Variants in NCEH1 observed in about 807,000 individuals in gnomAD.
NCEH1 encodes the protein 2-acetyl MAGE hydrolase.
Under a neutral mutation model 25.4 loss-of-function variants are expected in NCEH1, and 9 were observed. That is an observed-to-expected ratio of 0.35 (90% confidence interval 0.21 to 0.62). The LOEUF (loss-of-function observed/expected upper bound fraction) is 0.62. Among genes scored for constraint, NCEH1 ranks in the 20% least tolerant of loss-of-function variants. The pLI is 0.72. For synonymous variants in NCEH1, 200 were observed against 199.8 expected, an observed-to-expected ratio of 1.00 and a Z score of -0.01; for missense variants, 412 against 501.1, an observed-to-expected ratio of 0.82 and a Z score of 1.70.
chr3:172,682,021 T>C (rs1008023497), intron 1 of NCEH1, among the ~76,000 whole-genome samples: 20 of 152,162 alleles, frequency 1.3e-4, no homozygotes, highest in Admixed American at 1.3e-3. Flanking sequence ...AGCCCTGAAA[T>C]TTCCTAGGGC....
At chr3:172,698,285 C>T (rs547164123) in intron 1 of NCEH1, among the ~76,000 whole-genome samples, 11 of 152,160 alleles carry the variant, frequency 7.2e-5, no homozygotes, top group South Asian at 2.1e-4. Context: ...CCTCTAAAAG[C>T]AGAATTGACT....
At chr3:172,673,132 C>T (rs1320207252) in intron 1 of NCEH1, among the ~76,000 whole-genome samples, 4 of 152,196 alleles carry the variant, frequency 2.6e-5, no homozygotes, top group Admixed American at 1.3e-4. Flanking sequence ...CTTCCTATAG[C>T]GCAACTATAA....
At chr3:172,676,828 C>G (rs927922844) in intron 1 of NCEH1, among the ~76,000 whole-genome samples, 4 of 152,156 alleles carry the variant, frequency 2.6e-5, no homozygotes, top group Non-Finnish European at 5.9e-5. Context: ...GCCTTCCATA[C>G]ACACAGGCAC....
chr3:172,705,622 C>A (rs1329105241), intron 1 of NCEH1, among the ~76,000 whole-genome samples: 2 of 152,120 alleles, frequency 1.3e-5, no homozygotes, highest in Admixed American at 6.5e-5. Flanking sequence ...CCTGCCAATG[C>A]CCCTTTTCTA....
chr3:172,658,317 C>T (rs1717799192), intron 1 of NCEH1, among the ~76,000 whole-genome samples: 1 of 152,182 alleles, frequency 6.6e-6, no homozygotes, highest in African/African-American at 2.4e-5. Context: ...AAATGGGCAC[C>T]TGCTCAGGTT....
intron 3 of NCEH1, among the ~76,000 whole-genome samples, chr3:172,643,903 T>C (rs1288751378): frequency 6.6e-6 from 1 of 152,224 alleles, no homozygotes; most frequent in Non-Finnish European, 1.5e-5. Flanking sequence ...TCCCCTGTGC[T>C]TTCCTCTGGC....
In NCEH1 at chr3:172,634,050, C is replaced by G; in HGVS notation, c.652G>C (p.Ala218Pro). The change falls in exon 5 of 5, where the codon GCT (alanine) becomes CCT (proline). Residue 218 changes from alanine (A) to proline (P), a missense_variant. By Grantham distance (27) the Ala-to-Pro change is conservative (BLOSUM62 -1). Around this residue, in one of 3 missense-constraint regions of NCEH1, gnomAD observed 210 missense variants for 258.2 expected, o/e 0.81. Coordinates refer to ENST00000475381, the MANE Select transcript of NCEH1 (RefSeq NM_020792.6). ...GCTTGAAGAACTGGATAAATTAAAGCTTGTAGTTTGAGCTTATTTTTTAGG... is the reference window on the plus strand; with the variant it reads ...GCTTGAAGAACTGGATAAATTAAAGGTTGTAGTTTGAGCTTATTTTTTAGG... The part of the protein sequence containing the change: ...ASLKNKLKLQ[A>P]LIYPVLQALD... The G allele has an allele frequency of 6.2e-7, 1 of 1,613,944 alleles. No homozygotes were observed. The highest frequency in any genetic ancestry group is 1.7e-5 in the Admixed American group (1 of 59,998).
chr3:172,636,291 T>C (rs1716595037), intron 3 of NCEH1: 1 of 406,858 alleles, frequency 2.5e-6, no homozygotes, highest in Non-Finnish European at 4.4e-6. Context: ...AATGTGATGA[T>C]TTTGTATTAG....
In NCEH1 at chr3:172,632,505, T is replaced by C. The variant is rs1286772189; in HGVS notation, c.*970A>G. On this transcript the variant is annotated 3_prime_UTR_variant, in exon 5 of 5. Transcript: ENST00000475381. ...AGCCATATAAGTGAAAAAATTGAGT[T>C]TTCAATAATAGACTAGACCTTCTAA... The C allele has an allele frequency of 6.6e-6, 1 of 152,564 alleles. No homozygotes were observed. Among genetic ancestry groups the C allele is most frequent in the Non-Finnish European group, 1.5e-5 (1 of 68,020 alleles). The allele number at this position is 152,564 out of a possible 1,614,324, so 9.5% of individuals were successfully genotyped here. A position where few individuals can be genotyped will look rare whatever the true frequency, so the allele number is the denominator to read the frequency against.
At chr3:172,675,922 G>T (rs1711969194) in intron 1 of NCEH1, among the ~76,000 whole-genome samples, 1 of 152,126 alleles carries the variant, frequency 6.6e-6, no homozygotes, top group African/African-American at 2.4e-5. Context: ...AAACCTTCTT[G>T]TAAAACGTAT....
intron 1 of NCEH1, among the ~76,000 whole-genome samples, chr3:172,690,200 G>A (rs1307952843): frequency 1.3e-5 from 2 of 152,134 alleles, no homozygotes; most frequent in East Asian, 3.9e-4. Flanking sequence ...ACCGCACCCA[G>A]CCAAGCATTT....
intron 1 of NCEH1, among the ~76,000 whole-genome samples, chr3:172,696,652 A>T (rs1334439319): frequency 6.6e-6 from 1 of 152,224 alleles, no homozygotes; most frequent in African/African-American, 2.4e-5. Context: ...CCGGGATTTG[A>T]ACACAAGTCT....
chr3:172,683,178 C>T lies in NCEH1; in HGVS notation c.138+27669G>A, dbSNP rs1469241468. On this transcript the variant is annotated intron_variant, in intron 1 of 4. Transcript: ENST00000475381. ...CAGCACTTTGGGAGGCCGAGGCGGG[C>T]GGATCACGAGGTCAGGAGATCGAGA... Among the ~76,000 whole-genome samples the T allele has an allele frequency of 1.4e-4, 9 of 64,552 alleles. 2 individuals carry two copies. The highest frequency in any genetic ancestry group is 1.2e-3 in the South Asian group (2 of 1,726). 42.3% of individuals were successfully genotyped at this position (64,552 alleles called of 152,430 possible). A position where few individuals can be genotyped will look rare whatever the true frequency, so the allele number is the denominator to read the frequency against.
At chr3:172,676,708 G>A (rs1169631577) in intron 1 of NCEH1, among the ~76,000 whole-genome samples, 1 of 152,124 alleles carries the variant, frequency 6.6e-6, no homozygotes, top group African/African-American at 2.4e-5. Context: ...ACACGTGTCT[G>A]TGTCATTTTA....
Position 172,689,941 on chromosome 3 carries a change from T to A in NCEH1, c.138+20906A>T, listed in dbSNP as rs553452431. Among the ~76,000 whole-genome samples, 29 of 150,956 alleles carry A rather than the reference T, an allele frequency of 1.9e-4. No homozygotes were observed. In the East Asian group the frequency reaches 5.5e-3, roughly 28 times the overall value. The stretch of plus-strand genomic sequence containing the variant: ...TTTTTTGAGACGGAGTCTCACTCTG[T>A]CGCCCAGGCTGGAGTGCAGTGGCAC... On this transcript the variant is annotated intron_variant, in intron 1 of 4. Coordinates refer to ENST00000475381, the MANE Select transcript of NCEH1 (RefSeq NM_020792.6).
At chr3:172,645,506 C>T in intron 3 of NCEH1, 117 bp downstream of exon 3, 1 of 594,306 alleles carries the variant, frequency 1.7e-6, no homozygotes. Context: ...GGGCATATCT[C>T]TTTGCCAACT....
chr3:172,657,824 A>T (rs994939567), intron 1 of NCEH1, among the ~76,000 whole-genome samples: 3 of 152,128 alleles, frequency 2.0e-5, no homozygotes, highest in Non-Finnish European at 4.4e-5. Flanking sequence ...AACATTTTTC[A>T]TTTTTTTAAC....
chr3:172,681,709 G>A (rs1330020712), intron 1 of NCEH1, among the ~76,000 whole-genome samples: 1 of 131,130 alleles, frequency 7.6e-6, no homozygotes, highest in Non-Finnish European at 1.6e-5. Context: ...GGCCAAGATG[G>A]TAAAACCCTG....
intron 3 of NCEH1, 128 bp from the exon 4 acceptor site, chr3:172,636,215 T>C (rs1237524383): frequency 1.9e-6 from 1 of 527,536 alleles, no homozygotes; most frequent in Non-Finnish European, 3.3e-6. Context: ...AATTATTGTA[T>C]GAAAAAGAAA....
Sources: allele counts gnomAD v4.1 joint callset (sites outside exome capture counted in the v4.1 genomes callset), GRCh38; gene constraint gnomAD v4.1.1; regional missense constraint gnomAD v4.1.1; transcripts MANE v1.5; gene names NCBI Gene and HGNC (gene_info 2026-07-23, HGNC 2026-07-21).